COL6A3: variants seen among roughly 807,000 people sequenced by gnomAD.
The protein encoded by COL6A3 is collagen type VI alpha 3 chain, also known as collagen alpha-3(VI) chain.
In COL6A3, 137 loss-of-function variants were observed where a neutral mutation model predicts 274.1. The ratio of observed to expected loss-of-function variants is 0.50; its 90% CI spans 0.44 to 0.58. The LOEUF (loss-of-function observed/expected upper bound fraction) is 0.58. Among genes scored for constraint, COL6A3 ranks in the 20% least tolerant of loss-of-function variants. COL6A3 has a pLI of 0.00. For synonymous variants in COL6A3, 1,650 were observed against 1,650.6 expected (o/e 1.00, Z 0.01); for missense variants, 3,950 against 4,124.9 (o/e 0.96, Z 1.16).
chr2:237,354,617 G>C (rs1157102223), intron 24 of COL6A3, among the ~76,000 whole-genome samples: 1 of 152,000 alleles, frequency 6.6e-6, no homozygotes, highest in Admixed American at 6.6e-5. Context: ...CACCTTTCTG[G>C]ACCGAACCAA....
In COL6A3 at chr2:237,374,662, C is replaced by A. The variant is rs146171151; in HGVS notation, c.3429G>T (p.Arg1143Ser). 17 of 1,614,078 alleles carry A rather than the reference C, an allele frequency of 1.1e-5. No homozygotes were observed. The African/African-American group carries it at 1.5e-4, about 14-fold the overall frequency. The change falls in exon 8 of 44, where the codon AGG (arginine) becomes AGT (serine). Residue 1143 changes from arginine to serine, a missense_variant. Arg to Ser is a moderately radical substitution (Grantham distance 110). Coordinates refer to ENST00000295550, the MANE Select transcript of COL6A3 (RefSeq NM_004369.4). This position sits in a 1 kb window ranked among gnomAD's most constrained non-coding sequence, Gnocchi z 4.8. ...PQLLIVLTAD[R>S]SGDDVRNPSV... ...AGGGGTTCCGCACATCATCCCCAGA[C>A]CTGTCGGCCGTGAGGACGATCAGCA...
intron 1 of COL6A3, among the ~76,000 whole-genome samples, chr2:237,409,460 G>A (rs571371071): frequency 6.6e-6 from 1 of 152,260 alleles, no homozygotes; most frequent in South Asian, 2.1e-4. Flanking sequence ...AGGCCATGAT[G>A]CACAATAGGT....
At chr2:237,396,420 C>G (rs2078442620) in intron 2 of COL6A3, among the ~76,000 whole-genome samples, 1 of 152,156 alleles carries the variant, frequency 6.6e-6, no homozygotes, top group African/African-American at 2.4e-5. Context: ...TGTGGAAAGT[C>G]CCTTCAGGTG....
In COL6A3 at chr2:237,377,028, A is replaced by C. The variant is rs1236315058; in HGVS notation, c.2814T>G (p.Asp938Glu). 1 of 1,614,172 alleles carries C rather than the reference A, an allele frequency of 6.2e-7. No individual in the cohort carries two copies. Among genetic ancestry groups the C allele is most frequent in the South Asian group, 1.1e-5 (1 of 91,078 alleles). ...FVKSAGSRIE[D>E]GVLQFLVLLV... ...GCAGCACCAGGAACTGAAGCACTCC[A>C]TCCTCGATCCGGCTGCCAGCAGACT... The change falls in exon 7 of 44, where the codon GAT (aspartate) becomes GAG (glutamate). Residue 938 changes from aspartate to glutamate, a missense_variant. Physicochemically the swap from Asp to Glu is conservative, Grantham distance 45. Coordinates refer to ENST00000295550, the MANE Select transcript of COL6A3 (RefSeq NM_004369.4).
At chr2:237,325,444 T>C (rs1699888499) in intron 43 of COL6A3, 116 bp downstream of exon 43, 1 of 1,182,200 alleles carries the variant, frequency 8.5e-7, no homozygotes, top group South Asian at 1.2e-5. Context: ...GAGGATACAC[T>C]TTATCTTCTT....
At chr2:237,359,431 G>C in intron 17 of COL6A3, 43 bp from the exon 18 acceptor site, 2 of 1,612,392 alleles carry the variant, frequency 1.2e-6, no homozygotes, top group East Asian at 4.5e-5. Flanking sequence ...TTTTCCTGCA[G>C]GGCTGGTCCC....
chr2:237,353,288 T>A, intron 25 of COL6A3, 53 bp downstream of exon 25: 1 of 1,544,752 alleles, frequency 6.5e-7, no homozygotes, highest in Non-Finnish European at 8.9e-7. Flanking sequence ...AATCATTTTT[T>A]AAATGATTTG....
chr2:237,342,380 C>G, intron 36 of COL6A3: 1 of 565,856 alleles, frequency 1.8e-6, no homozygotes, highest in Non-Finnish European at 3.2e-6. Context: ...GTTCATATCC[C>G]GTTCAAATGG....
In COL6A3 at chr2:237,340,485, G is replaced by A. The variant is rs371361651; in HGVS notation, c.8431C>T (p.Arg2811Cys). 3.2e-5 allele frequency: 51 copies of A among 1,613,658 alleles called. No homozygotes were observed. Among genetic ancestry groups the A allele is most frequent in the Non-Finnish European group, 3.9e-5 (46 of 1,180,040 alleles). Residue 2811 changes from arginine (R) to cysteine (C), a missense_variant, in exon 38 of 44, where the codon CGC becomes TGC. Physicochemically the swap from Arg to Cys is radical, Grantham distance 180 (BLOSUM62 -3). Transcript: ENST00000295550. ...STELNEEPLMRFGRLLPSFVS... is the reference protein window; with the variant it reads ...STELNEEPLMCFGRLLPSFVS... Reference sequence around the variant, plus strand: ...AAGGATGGCAACAGCCTCCCGAAGCGCATCAAAGGCTCCTCGTTGAGCTCG... The same window carrying A: ...AAGGATGGCAACAGCCTCCCGAAGCACATCAAAGGCTCCTCGTTGAGCTCG...
intron 4 of COL6A3, among the ~76,000 whole-genome samples, chr2:237,382,739 G>C (rs1274059823): frequency 6.6e-6 from 1 of 152,226 alleles, no homozygotes; most frequent in Non-Finnish European, 1.5e-5. Context: ...TGGGATGAAG[G>C]TAAGGAAGAA....
In COL6A3 at chr2:237,344,646, T is replaced by A; in HGVS notation, c.7372A>T (p.Ile2458Phe). The A allele has an allele frequency of 6.2e-7, 1 of 1,613,884 alleles. No homozygotes were observed. The highest frequency in any genetic ancestry group is 1.1e-5 in the South Asian group (1 of 91,064). Reference sequence around the variant, plus strand: ...TTCCTCTTGGAGTCAGCAAACCGGATCTCCGTGGTCACCTCGTTGTTGTAG... The same window carrying A: ...TTCCTCTTGGAGTCAGCAAACCGGAACTCCGTGGTCACCTCGTTGTTGTAG... ...VTYNNEVTTE[I>F]RFADSKRKSV... is the part of the protein sequence containing the mutation. The change falls in exon 36 of 44, where the codon ATC (isoleucine) becomes TTC (phenylalanine). Residue 2458 changes from isoleucine to phenylalanine, a missense_variant. Physicochemically the swap from Ile to Phe is conservative, Grantham distance 21. This residue lies in a region of COL6A3 where 1,284 missense variants were observed against 1,349.7 expected (regional missense o/e 0.95). Coordinates refer to ENST00000295550, the MANE Select transcript of COL6A3 (RefSeq NM_004369.4). This position sits in a 1 kb window ranked among gnomAD's most constrained non-coding sequence, Gnocchi z 4.8.
chr2:237,337,343 G>A (rs1700601437), intron 39 of COL6A3, among the ~76,000 whole-genome samples: 1 of 152,158 alleles, frequency 6.6e-6, no homozygotes, highest in African/African-American at 2.4e-5. Flanking sequence ...CGAATCATTA[G>A]AGCCTAGAAA....
Position 237,325,549 on chromosome 2 carries a change from G to A in COL6A3, c.9493+11C>T. On this transcript the variant is annotated intron_variant, in intron 43 of 43. Coordinates refer to ENST00000295550, the MANE Select transcript of COL6A3 (RefSeq NM_004369.4). Reference sequence around the variant, plus strand: ...TTGCAGAAGCCATAAACACAAGGAAGAATCACTTACCAGGAGCGCAAACCT... The same window carrying A: ...TTGCAGAAGCCATAAACACAAGGAAAAATCACTTACCAGGAGCGCAAACCT... The A allele has an allele frequency of 6.2e-7, 1 of 1,614,086 alleles. No homozygotes were observed. The highest frequency in any genetic ancestry group is 8.5e-7 in the Non-Finnish European group (1 of 1,179,980).
At chr2:237,351,962 C>G (rs938289366) in intron 26 of COL6A3, among the ~76,000 whole-genome samples, 11 of 152,338 alleles carry the variant, frequency 7.2e-5, no homozygotes, top group African/African-American at 2.4e-4. Context: ...TCAATATCAT[C>G]TCAGCCATGA....
At chr2:237,388,448 A>G (rs934747700) in intron 3 of COL6A3, among the ~76,000 whole-genome samples, 1 of 152,252 alleles carries the variant, frequency 6.6e-6, no homozygotes, top group Non-Finnish European at 1.5e-5. Flanking sequence ...TTAAATTTCC[A>G]AACATCATAT....
At chr2:237,327,670 G>C (rs746386334) in intron 42 of COL6A3, 15 of 152,226 alleles carry the variant, frequency 9.9e-5, no homozygotes, top group Admixed American at 5.9e-4. Flanking sequence ...ACTATTCAAA[G>C]ACAAAAACCT....
chr2:237,373,410 C>T (rs766340490), intron 8 of COL6A3, among the ~76,000 whole-genome samples: 4 of 152,146 alleles, frequency 2.6e-5, no homozygotes, highest in Non-Finnish European at 5.9e-5. Context: ...CCCACTGTTG[C>T]CCAAATTTAC....
intron 17 of COL6A3, 100 bp downstream of exon 17, chr2:237,359,988 A>G: frequency 2.4e-6 from 3 of 1,263,916 alleles, no homozygotes; most frequent in Non-Finnish European, 3.4e-6. Context: ...TGCTGAGGTC[A>G]AGAAGCCTGG....
chr2:237,371,726 T>C lies in COL6A3; in HGVS notation c.4285+6A>G. On this transcript the variant is annotated splice_donor_region_variant and intron_variant, in intron 9 of 43. Transcript: ENST00000295550. This position sits in a 1 kb window ranked among gnomAD's most constrained non-coding sequence, Gnocchi z 4.3. ...CCAAGGAGAACCTCCGACGCCCCCA[T>C]CTCACCTGGAGGTGGATAGCGAGTG... 1 of 1,584,452 alleles carries C rather than the reference T, an allele frequency of 6.3e-7. No homozygotes were observed. Among genetic ancestry groups the C allele is most frequent in the Non-Finnish European group, 8.6e-7 (1 of 1,162,420 alleles).
Sources: gnomAD v4.1 joint callset for allele counts (sites outside exome capture counted in the v4.1 genomes callset) on GRCh38, gnomAD v4.1.1 for gene constraint, gnomAD v4.1.1 regional missense constraint, Gnocchi (gnomAD v3.1) non-coding constraint, MANE v1.5 for transcripts, NCBI Gene and HGNC (gene_info 2026-07-23, HGNC 2026-07-21) for gene names.